The following RCOR3 variants were observed in gnomAD, a reference collection of about 807,000 sequenced individuals.
RCOR3 encodes REST corepressor 3.
RCOR3 carries 13 observed loss-of-function variants against 64.1 expected under a neutral mutation model. The observed-to-expected ratio is 0.20, with a 90% CI of 0.13 to 0.32. The LOEUF is 0.32. Ranked by LOEUF, RCOR3 falls within the 10% of genes least tolerant of loss-of-function variation. The probability of loss-of-function intolerance (pLI) is 1.00; values close to 1 mark genes in which losing one functional copy is unlikely to be tolerated. For missense variants in RCOR3, 489 were observed against 701.2 expected, an observed-to-expected ratio of 0.70 and a Z score of 3.42; for synonymous variants, 215 against 239.0, an observed-to-expected ratio of 0.90 and a Z score of 0.93.
intron 9 of RCOR3, chr1:211,303,366 T>G (rs1479370175): frequency 5.3e-5 from 8 of 152,234 alleles, no homozygotes; most frequent in Admixed American, 5.2e-4. Flanking sequence ...TAAACGCCCC[T>G]TCTCAAAGGA....
chr1:211,282,488 C>T (rs1234189982), intron 7 of RCOR3, among the ~76,000 whole-genome samples: 1 of 150,368 alleles, frequency 6.7e-6, no homozygotes, highest in Non-Finnish European at 1.5e-5. Context: ...TGTGTTTCCT[C>T]AATTGGATAT....
At chr1:211,259,790 CCCCTCCCCTCGCCGCTCTCCCGCCCT>C in intron 1 of RCOR3, 64 bp downstream of exon 1, 1 of 1,314,622 alleles carries the variant, frequency 7.6e-7, no homozygotes, top group South Asian at 1.5e-5. Context: ...CTCCCCCAGC[CCCCTCCCCTCGCCGCTCTCCCGCCCT>C]CCCTCCCCTC....
rs561381122 is a variant in RCOR3, at chr1:211,312,365, A to G, written c.1076-355A>G. ...GTTGCTCAAATTTAGGTGACTGGCT[A>G]CTAGGGAAATAAATGAATGTGGAAT... On this transcript the variant is annotated intron_variant, in intron 10 of 11. Coordinates refer to ENST00000419091, the MANE Select transcript of RCOR3 (RefSeq NM_001136223.3). This position sits in a 1 kb window ranked among gnomAD's most constrained non-coding sequence, Gnocchi z 5.0. The G allele has an allele frequency of 1.1e-5, 5 of 467,550 alleles. No homozygotes were observed. In the Admixed American group the frequency reaches 1.2e-4, roughly 11 times the overall value. 29.0% of individuals were successfully genotyped at this position (467,550 alleles called of 1,614,324 possible).
In RCOR3 at chr1:211,268,365, CTTTCTTTTTT is replaced by C. The variant is rs1469778851; in HGVS notation, c.224-2863_224-2854del. ...AAAAAGATATATCAAAGTTTCTTTT[CTTTCTTTTTT>C]TTTTTTTTTTTTTTTTTTTTTGAGA... On this transcript the variant is annotated intron_variant, in intron 2 of 11. Transcript: ENST00000419091. Among the ~76,000 whole-genome samples, 13 of 85,318 alleles carry C rather than the reference CTTTCTTTTTT, an allele frequency of 1.5e-4. No individual in the cohort carries two copies. In the East Asian group the frequency reaches 4.3e-3, roughly 28 times the overall value. 56.0% of individuals were successfully genotyped at this position (85,318 alleles called of 152,430 possible).
intron 7 of RCOR3, among the ~76,000 whole-genome samples, chr1:211,281,555 G>A (rs929824551): frequency 6.6e-6 from 1 of 151,984 alleles, no homozygotes; most frequent in African/African-American, 2.4e-5. Flanking sequence ...TCCTTACATG[G>A]TGTCGTCTGT....
At chr1:211,288,436 T>C (rs1246858266) in intron 7 of RCOR3, among the ~76,000 whole-genome samples, 1 of 147,306 alleles carries the variant, frequency 6.8e-6, no homozygotes, top group Non-Finnish European at 1.5e-5. Context: ...TTATTTTATT[T>C]ATATTTTTAT....
rs375619328 is a variant in RCOR3 at position 211,316,254 on chromosome 1, G to GTT, written c.*2490_*2491dup. On this transcript the variant is annotated 3_prime_UTR_variant, in exon 12 of 12. Coordinates refer to ENST00000419091, the MANE Select transcript of RCOR3 (RefSeq NM_001136223.3). ...ATCTTATAAAACTAATGGAAACAAT[G>GTT]TTTTTCTATATGATTTAATTCTAGT... 1 of 152,036 alleles carries GTT rather than the reference G, an allele frequency of 6.6e-6. No homozygotes were observed. Among genetic ancestry groups the GTT allele is most frequent in the Non-Finnish European group, 1.5e-5 (1 of 67,998 alleles). 9.4% of individuals were successfully genotyped at this position (152,036 alleles called of 1,614,324 possible).
intron 10 of RCOR3, among the ~76,000 whole-genome samples, chr1:211,309,565 A>G (rs1399181761): frequency 6.6e-6 from 1 of 152,148 alleles, no homozygotes; most frequent in African/African-American, 2.4e-5. Flanking sequence ...GAAACTTACT[A>G]TTTGCCTGTT....
chr1:211,295,256 T>G (rs1699747018), intron 8 of RCOR3, among the ~76,000 whole-genome samples: 1 of 152,040 alleles, frequency 6.6e-6, no homozygotes, highest in African/African-American at 2.4e-5. Context: ...ATTTATTACA[T>G]ATAAAGGACT....
chr1:211,271,213 A>T lies in RCOR3; in HGVS notation c.224-19A>T, dbSNP rs749714754. The T allele has an allele frequency of 4.4e-6, 7 of 1,600,426 alleles. No homozygotes were observed. Among genetic ancestry groups the T allele is most frequent in the Non-Finnish European group, 5.1e-6 (6 of 1,168,956 alleles). Reference sequence around the variant, plus strand: ...AAATAAAATCCATCATATTCAAAGTAATTATCTTTTTCCCCCAGGTGCTAC... The same window carrying T: ...AAATAAAATCCATCATATTCAAAGTTATTATCTTTTTCCCCCAGGTGCTAC... On this transcript the variant is annotated intron_variant, in intron 2 of 11. Transcript: ENST00000419091.
intron 9 of RCOR3, 63 bp from the exon 10 acceptor site, chr1:211,304,020 T>C (rs1373907085): frequency 8.6e-6 from 10 of 1,159,950 alleles, no homozygotes; most frequent in Non-Finnish European, 1.2e-5. Flanking sequence ...TTTAAAAAAA[T>C]AAGCGCTTTG....
intron 5 of RCOR3, among the ~76,000 whole-genome samples, chr1:211,277,169 C>CTT (rs145454761): frequency 2.8e-5 from 4 of 143,270 alleles, no homozygotes; most frequent in African/African-American, 5.1e-5. Flanking sequence ...TTCTTTCTTT[C>CTT]TTTTTTTTTT....
At chr1:211,272,932 C>T (rs1177056705) in intron 3 of RCOR3, among the ~76,000 whole-genome samples, 2 of 152,092 alleles carry the variant, frequency 1.3e-5, no homozygotes, top group Non-Finnish European at 2.9e-5. Context: ...GGATGTCTTA[C>T]TTTTTAAAAG....
intron 8 of RCOR3, among the ~76,000 whole-genome samples, chr1:211,291,872 A>G (rs1180878464): frequency 6.6e-6 from 1 of 152,158 alleles, no homozygotes; most frequent in Non-Finnish European, 1.5e-5. Flanking sequence ...TAATCCCAAC[A>G]CTTTGGGAGG....
At chr1:211,259,819 C>T in intron 1 of RCOR3, 93 bp downstream of exon 1, 5 of 1,228,736 alleles carry the variant, frequency 4.1e-6, no homozygotes, top group East Asian at 5.5e-5. Flanking sequence ...CCCGCCCTCC[C>T]TCCCCTCAGA....
intron 10 of RCOR3, among the ~76,000 whole-genome samples, chr1:211,306,086 TTTTG>T (rs976102645): frequency 2.0e-5 from 3 of 152,148 alleles, no homozygotes; most frequent in Non-Finnish European, 4.4e-5. Flanking sequence ...ATTTTTGGGT[TTTTG>T]TTGTTGTTAC....
At chr1:211,291,854 C>T (rs970967418) in intron 8 of RCOR3, among the ~76,000 whole-genome samples, 4 of 152,292 alleles carry the variant, frequency 2.6e-5, no homozygotes, top group South Asian at 2.1e-4. Flanking sequence ...CATGGTGGCT[C>T]ATGCCTGTAA....
chr1:211,307,540 A>C (rs1328326937), intron 10 of RCOR3, among the ~76,000 whole-genome samples: 1 of 82,996 alleles, frequency 1.2e-5, no homozygotes, highest in Non-Finnish European at 2.7e-5. Flanking sequence ...AAAAGGAATT[A>C]GATTATTCTA....
Position 211,312,632 on chromosome 1 carries a change from C to T in RCOR3, c.1076-88C>T. 1 of 888,084 alleles carries T rather than the reference C, an allele frequency of 1.1e-6. No homozygotes were observed. The highest frequency in any genetic ancestry group is 1.8e-6 in the Non-Finnish European group (1 of 549,510). The allele number at this position is 888,084 out of a possible 1,614,324, so 55.0% of individuals were successfully genotyped here. On this transcript the variant is annotated intron_variant, in intron 10 of 11. Transcript: ENST00000419091. The surrounding 1 kb of genome is among the most constrained non-coding windows in gnomAD (Gnocchi z 5.0). Reference sequence around the variant, plus strand: ...AGTTTATCAGAAAGGAATTTCATTGCTGGTATCTTTTGTGTGTGCATGATG... The same window carrying T: ...AGTTTATCAGAAAGGAATTTCATTGTTGGTATCTTTTGTGTGTGCATGATG...
Sources: gnomAD v4.1 joint callset for allele counts (sites outside exome capture counted in the v4.1 genomes callset) on GRCh38, gnomAD v4.1.1 for gene constraint, Gnocchi (gnomAD v3.1) non-coding constraint, MANE v1.5 for transcripts, NCBI Gene and HGNC (gene_info 2026-07-23, HGNC 2026-07-21) for gene names.